The following CD99 variants were observed in gnomAD, a reference collection of about 807,000 sequenced individuals.
CD99 encodes CD99 molecule (Xg blood group).
CD99 carries 19 observed loss-of-function variants against 28.4 expected under a neutral mutation model. The ratio of observed to expected loss-of-function variants is 0.67; its 90% CI spans 0.47 to 0.98. The LOEUF (loss-of-function observed/expected upper bound fraction) is 0.98, where lower values mean the gene tolerates loss of function less well. Ranked by LOEUF, CD99 falls within the 50% of genes least tolerant of loss-of-function variation. The probability of loss-of-function intolerance (pLI) is 0.00; values close to 1 mark genes in which losing one functional copy is unlikely to be tolerated. For synonymous variants in CD99, 103 were observed against 92.1 expected (o/e 1.12, Z -0.67); for missense variants, 283 against 248.8 (o/e 1.14, Z -0.92).
At position 2,741,110 on chromosome X, in the gene CD99, A is replaced by G. The variant is rs2050168284; in HGVS notation, c.*306A>G. ...TCCCTGTAACTCAAATGTCAACCCC[A>G]CCGAGGCACCCCCCCGTCCCCCAGA... On this transcript the variant is annotated 3_prime_UTR_variant, in exon 10 of 10. Transcript: ENST00000381192. The G allele has an allele frequency of 2.7e-5, 11 of 414,368 alleles. No individual in the cohort carries two copies. The Admixed American group carries it at 2.8e-4, about 11-fold the overall frequency. 25.7% of individuals were successfully genotyped at this position (414,368 alleles called of 1,614,324 possible). A position where few individuals can be genotyped will look rare whatever the true frequency, so the allele number is the denominator to read the frequency against.
At chrX:2,717,279 C>T in intron 2 of CD99, 1 of 248,666 alleles carries the variant, frequency 4.0e-6, no homozygotes, top group South Asian at 9.8e-5. Flanking sequence ...ACCCAGGAGG[C>T]AGAGGTTGTG....
intron 8 of CD99, among the ~76,000 whole-genome samples, chrX:2,737,054 G>A (rs2124312981): frequency 6.6e-6 from 1 of 152,128 alleles, no homozygotes; most frequent in Non-Finnish European, 1.5e-5. Flanking sequence ...AGGTAGAAGG[G>A]GGGACAGGAG....
chrX:2,733,470 G>T, intron 8 of CD99: 2 of 1,322,236 alleles, frequency 1.5e-6, no homozygotes, highest in Non-Finnish European at 2.1e-6. Context: ...TCCATCTGCC[G>T]CTCCCCTCGC....
chrX:2,722,772 T>G, intron 6 of CD99, 98 bp downstream of exon 6: 1 of 1,210,472 alleles, frequency 8.3e-7, no homozygotes. Context: ...CAGCTCTCTG[T>G]GAACTCACAG....
chrX:2,729,368 C>A (rs1361873921), intron 8 of CD99, among the ~76,000 whole-genome samples: 1 of 152,240 alleles, frequency 6.6e-6, no homozygotes, highest in South Asian at 2.1e-4. Context: ...CTGCCTAAGA[C>A]TGGATAATTC....
rs556444956 is a variant in CD99, at chrX:2,703,605, A to AGTGTGTGTGTGT, written c.68-10782_68-10771dup. 7.8e-3 allele frequency among the ~76,000 whole-genome samples: 1,085 copies of AGTGTGTGTGTGT among 138,472 alleles called. 18 individuals carry two copies. Among genetic ancestry groups the AGTGTGTGTGTGT allele is most frequent in the African/African-American group, 0.026 (971 of 37,344 alleles). 90.8% of individuals were successfully genotyped at this position (138,472 alleles called of 152,430 possible). On this transcript the variant is annotated intron_variant, in intron 1 of 9. Coordinates refer to ENST00000381192, the MANE Select transcript of CD99 (RefSeq NM_002414.5). Reference sequence around the variant, plus strand: ...CTGTAATTAACAAACCGAGCTGTTAAGTGTGTGTGTGTGTGTGTGTGTGTG... The same window carrying AGTGTGTGTGTGT: ...CTGTAATTAACAAACCGAGCTGTTAAGTGTGTGTGTGTGTGTGTGTGTGTGTGTGTGTGTGTG...
intron 1 of CD99, among the ~76,000 whole-genome samples, chrX:2,703,896 G>A (rs113908545): frequency 0.051 from 7,757 of 152,100 alleles, 265 homozygotes; most frequent in African/African-American, 0.099. Flanking sequence ...ATGGGATCTG[G>A]GCTGGCATCT....
chrX:2,737,927 C>A, intron 8 of CD99: 1 of 655,756 alleles, frequency 1.5e-6, no homozygotes. Context: ...GAGAAGAAAG[C>A]AACCCTTAAA....
intron 1 of CD99, among the ~76,000 whole-genome samples, chrX:2,706,097 C>G (rs766927823): frequency 6.6e-6 from 1 of 150,926 alleles, no homozygotes; most frequent in Non-Finnish European, 1.5e-5. Flanking sequence ...CGGTGGCTCA[C>G]GCCTGTCATC....
At chrX:2,728,200 CTTTTTTTTTTT>C (rs892410632) in intron 8 of CD99, among the ~76,000 whole-genome samples, 2 of 107,002 alleles carry the variant, frequency 1.9e-5, no homozygotes, top group African/African-American at 3.9e-5. Flanking sequence ...TTGGTTGTTT[CTTTTTTTTTTT>C]TTTTTTTTTT....
At chrX:2,737,459 G>A (rs1478575028) in intron 8 of CD99, among the ~76,000 whole-genome samples, 1 of 148,392 alleles carries the variant, frequency 6.7e-6, no homozygotes, top group Non-Finnish European at 1.5e-5. Flanking sequence ...ACAGGTGTGA[G>A]CCACCATGCC....
intron 1 of CD99, among the ~76,000 whole-genome samples, chrX:2,710,867 CTTT>C (rs541519754): frequency 2.0e-5 from 2 of 99,596 alleles, no homozygotes; most frequent in African/African-American, 4.0e-5. Context: ...GTAGAGATGA[CTTT>C]TTTTTTTTTT....
In CD99 at chrX:2,740,851, C is replaced by T. The variant is rs753198458; in HGVS notation, c.*47C>T. On this transcript the variant is annotated 3_prime_UTR_variant, in exon 10 of 10. Transcript: ENST00000381192. ...CCAGGCGTTGGCAGCAGGGTTAGAA[C>T]AGCTGCCTGAGGCTCCTCCCTGAAG... 6.2e-7 allele frequency: 1 copy of T among 1,609,190 alleles called. No homozygotes were observed. Among genetic ancestry groups the T allele is most frequent in the East Asian group, 2.2e-5 (1 of 44,860 alleles).
At chrX:2,693,329 G>A (rs913635937) in intron 1 of CD99, among the ~76,000 whole-genome samples, 1 of 123,328 alleles carries the variant, frequency 8.1e-6, no homozygotes, top group African/African-American at 3.1e-5. Context: ...AAAGGGAAGA[G>A]TACCTGTCTA....
chrX:2,717,791 G>A, intron 3 of CD99, 139 bp downstream of exon 3: 1 of 716,118 alleles, frequency 1.4e-6, no homozygotes, highest in South Asian at 1.6e-5. Flanking sequence ...AGTTAATACT[G>A]GAATTGTGTT....
intron 9 of CD99, among the ~76,000 whole-genome samples, chrX:2,739,617 TTTTC>T (rs1203975711): frequency 4.6e-5 from 7 of 151,804 alleles, no homozygotes; most frequent in Non-Finnish European, 7.4e-5. Context: ...GCCCCACTAA[TTTTC>T]TTTCTGTTTT....
At chrX:2,739,342 G>T (rs2050095594) in intron 9 of CD99, among the ~76,000 whole-genome samples, 1 of 152,096 alleles carries the variant, frequency 6.6e-6, no homozygotes, top group African/African-American at 2.4e-5. Context: ...TTTTTATTTT[G>T]TTTGTGCATA....
At chrX:2,699,467 CTTTTT>C (rs749766023) in intron 1 of CD99, among the ~76,000 whole-genome samples, 1 of 120,884 alleles carries the variant, frequency 8.3e-6, no homozygotes, top group South Asian at 2.6e-4. Context: ...CGCGCCCAGC[CTTTTT>C]TTTTTTTTTT....
At chrX:2,706,977 C>T (rs764946307) in intron 1 of CD99, among the ~76,000 whole-genome samples, 7 of 152,148 alleles carry the variant, frequency 4.6e-5, no homozygotes, top group Non-Finnish European at 7.4e-5. Flanking sequence ...TGCACCACCA[C>T]GCCTGGCTCA....
Sources: gnomAD v4.1 joint callset for allele counts (sites outside exome capture counted in the v4.1 genomes callset) on GRCh38, gnomAD v4.1.1 for gene constraint, MANE v1.5 for transcripts, NCBI Gene and HGNC (gene_info 2026-07-23, HGNC 2026-07-21) for gene names.